The following USP26 variants were observed in gnomAD, a reference collection of about 807,000 sequenced individuals.
The protein encoded by USP26 is ubiquitin specific peptidase 26.
For synonymous variants in USP26, 236 were observed against 240.6 expected (o/e 0.98, Z 0.18); for missense variants, 649 against 642.3 (o/e 1.01, Z -0.11).
At chrX:133,082,026 A>G (rs2067571622) in intron 5 of USP26, among the ~76,000 whole-genome samples, 1 of 111,919 alleles carries the variant, frequency 8.9e-6, no homozygotes, top group Non-Finnish European at 1.9e-5. Context: ...CTTGGGCCAC[A>G]TAACGAAAGT....
Position 133,026,498 on chromosome X carries a change from CTT to C in USP26, c.1721_1722del (p.Lys574SerfsTer32). ...TTTCCAGAAGTCATCTTTCGAATAA[CTT>C]TTAATAATTGGAAATCTGTAATTTC... ...DGEITDFQLL[K>X]VIRKMTSGNI... On this transcript the variant is annotated frameshift_variant, in exon 6 of 6. Coordinates refer to ENST00000511190, the MANE Select transcript of USP26 (RefSeq NM_031907.3). LOFTEE classifies it low-confidence loss of function (END_TRUNC). 8.3e-7 allele frequency: 1 copy of C among 1,208,859 alleles called. No homozygotes were observed. The highest frequency in any genetic ancestry group is 1.1e-6 in the Non-Finnish European group (1 of 894,615).
At chrX:133,064,428 T>G (rs1194610366) in intron 5 of USP26, among the ~76,000 whole-genome samples, 1 of 111,788 alleles carries the variant, frequency 8.9e-6, no homozygotes, top group Non-Finnish European at 1.9e-5. Flanking sequence ...GAATATACAT[T>G]CTTCTCAGCA....
intron 5 of USP26, among the ~76,000 whole-genome samples, chrX:133,061,057 G>A (rs960541612): frequency 9.0e-5 from 10 of 111,301 alleles, no homozygotes; most frequent in Non-Finnish European, 1.5e-4. Flanking sequence ...TGGTATCTGT[G>A]GGGATTCCTG....
chrX:133,078,108 G>A (rs1159372959), intron 5 of USP26, among the ~76,000 whole-genome samples: 1 of 109,979 alleles, frequency 9.1e-6, no homozygotes, highest in Non-Finnish European at 1.9e-5. Context: ...CAAAAAAAGA[G>A]CCAGCCACTT....
intron 5 of USP26, among the ~76,000 whole-genome samples, chrX:133,042,954 C>T (rs1036416239): frequency 1.8e-5 from 2 of 111,192 alleles, no homozygotes; most frequent in African/African-American, 6.5e-5. Context: ...AAAAAAAAGG[C>T]CTTTGTTTAA....
chrX:133,086,981 C>T lies in USP26; in HGVS notation c.-142+3132G>A, dbSNP rs562173764. ...AAACCCACCACCACAATGACCACCA[C>T]GACTCACTGATTCACCAAGAGCTGG... On this transcript the variant is annotated intron_variant, in intron 4 of 5. Coordinates refer to ENST00000511190, the MANE Select transcript of USP26 (RefSeq NM_031907.3). Among the ~76,000 whole-genome samples, 20 of 109,090 alleles carry T rather than the reference C, an allele frequency of 1.8e-4. No homozygotes were observed. In the East Asian group the frequency reaches 3.7e-3, roughly 20 times the overall value. 94.7% of individuals were successfully genotyped at this position (109,090 alleles called of 115,157 possible). A position where few individuals can be genotyped will look rare whatever the true frequency, so the allele number is the denominator to read the frequency against.
chrX:133,052,508 T>A (rs775671474), intron 5 of USP26, among the ~76,000 whole-genome samples: 1 of 112,702 alleles, frequency 8.9e-6, no homozygotes, highest in African/African-American at 3.2e-5. Context: ...TCTATTCACA[T>A]AACTGATTCC....
Position 133,027,173 on chromosome X carries a change from C to T in USP26, c.1048G>A (p.Asp350Asn), listed in dbSNP as rs774739271. The T allele has an allele frequency of 5.0e-5, 60 of 1,208,022 alleles. No individual in the cohort carries two copies. Among genetic ancestry groups the T allele is most frequent in the Non-Finnish European group, 6.4e-5 (57 of 894,547 alleles). Residue 350 changes from aspartate (D) to asparagine (N), a missense_variant, in exon 6 of 6, where the codon GAT (aspartate) becomes AAT (asparagine). By Grantham distance (23) the Asp-to-Asn change is conservative. Coordinates refer to ENST00000511190, the MANE Select transcript of USP26 (RefSeq NM_031907.3). ...MCLARLLFFK[D>N]TYNIEIKEML... is the part of the protein sequence containing the mutation. The stretch of plus-strand genomic sequence containing the variant: ...TCCTTGATTTCTATATTATAGGTAT[C>T]TTTAAAAAAAAGTAGCCGTGCCAAG...
chrX:133,037,025 GT>G (rs1320059031), intron 5 of USP26, among the ~76,000 whole-genome samples: 1 of 111,836 alleles, frequency 8.9e-6, no homozygotes, highest in African/African-American at 3.2e-5. Context: ...TGATGGGGTT[GT>G]TTTTTTCTTG....
intron 5 of USP26, among the ~76,000 whole-genome samples, chrX:133,069,290 C>T (rs2067522991): frequency 9.0e-6 from 1 of 111,578 alleles, no homozygotes; most frequent in Non-Finnish European, 1.9e-5. Context: ...AGGAGGACGA[C>T]AGAGAGGAAA....
Position 133,027,447 on chromosome X carries a change from G to C in USP26, c.774C>G (p.Leu258=). 1.7e-6 allele frequency: 2 copies of C among 1,210,688 alleles called. No individual in the cohort carries two copies. Among genetic ancestry groups the C allele is most frequent in the South Asian group, 3.5e-5 (2 of 56,950 alleles). ...YLDDIGLLQA[L]TEKMVLVFLL... ...GAAATACCAAAACCATTTTCTCAGT[G>C]AGAGCTTGGAGAAGACCAATGTCAT... The change falls in exon 6 of 6, where the codon CTC becomes CTG. Residue 258 remains leucine, a synonymous_variant. Coordinates refer to ENST00000511190, the MANE Select transcript of USP26 (RefSeq NM_031907.3).
rs536316220 is a variant in USP26, at chrX:133,034,243, C to T, written c.-76-5947G>A. On this transcript the variant is annotated intron_variant, in intron 5 of 5. Coordinates refer to ENST00000511190, the MANE Select transcript of USP26 (RefSeq NM_031907.3). ...TGTGTGCAGCCAAATTTTCCTTTGC[C>T]GAGAGAAACCATAAAGTTGGAGAAG... is the stretch of plus-strand genomic sequence containing the variant. 2.0e-4 allele frequency among the ~76,000 whole-genome samples: 22 copies of T among 111,536 alleles called. No homozygotes were observed. The East Asian group carries it at 5.6e-3, about 29-fold the overall frequency.
intron 5 of USP26, among the ~76,000 whole-genome samples, chrX:133,040,455 A>G (rs901773638): frequency 1.8e-5 from 2 of 111,398 alleles, no homozygotes; most frequent in African/African-American, 6.5e-5. Flanking sequence ...GGTGAACCTT[A>G]GTTTGGCTGG....
intron 5 of USP26, among the ~76,000 whole-genome samples, chrX:133,082,258 A>G (rs145134036): frequency 0.035 from 3,862 of 111,721 alleles, 101 homozygotes; most frequent in East Asian, 0.1. Context: ...CTACCTCTAG[A>G]CTGTAGGTCC....
intron 5 of USP26, among the ~76,000 whole-genome samples, chrX:133,061,958 C>T (rs1222584506): frequency 9.1e-6 from 1 of 110,293 alleles, no homozygotes; most frequent in Non-Finnish European, 1.9e-5. Context: ...TGAAAAGTTC[C>T]CTCCCCACTC....
chrX:133,027,307 T>C lies in USP26; in HGVS notation c.914A>G (p.Tyr305Cys). Residue 305 changes from tyrosine (Y) to cysteine (C), a missense_variant, in exon 6 of 6, where the codon TAT becomes TGT. Tyr to Cys is a radical substitution (Grantham distance 194). Transcript: ENST00000511190. ...TAGAGACTGTAACACTGCATTCATA[T>C]AACAGGTGTTTCCCAAATTGGGGAG... Reference protein sequence around the residue: ...HGLPNLGNTCYMNAVLQSLLS... With the variant: ...HGLPNLGNTCCMNAVLQSLLS... 8.3e-7 allele frequency: 1 copy of C among 1,210,944 alleles called. No homozygotes were observed. The highest frequency in any genetic ancestry group is 1.1e-6 in the Non-Finnish European group (1 of 894,603).
In USP26 at chrX:133,026,021, T is replaced by C; in HGVS notation, c.2200A>G (p.Lys734Glu). The C allele has an allele frequency of 8.3e-7, 1 of 1,210,134 alleles. No homozygotes were observed. The highest frequency in any genetic ancestry group is 1.1e-6 in the Non-Finnish European group (1 of 894,240). ...KNIRIPERFQKVSEQTQQCDG... is the reference protein window; with the variant it reads ...KNIRIPERFQEVSEQTQQCDG... ...CACTGCTGAGTCTGTTCAGACACTT[T>C]TTGGAATCTTTCTGGAATTCTGATA... Residue 734 changes from lysine (K) to glutamate (E), a missense_variant, in exon 6 of 6, where the codon AAA (lysine) becomes GAA (glutamate). Transcript: ENST00000511190.
At chrX:133,056,565 G>C (rs1214988536) in intron 5 of USP26, among the ~76,000 whole-genome samples, 1 of 111,297 alleles carries the variant, frequency 9.0e-6, no homozygotes, top group Non-Finnish European at 1.9e-5. Flanking sequence ...ACAATCATAA[G>C]GTATACCTCA....
intron 5 of USP26, among the ~76,000 whole-genome samples, chrX:133,039,393 C>T (rs754402738): frequency 5.4e-5 from 6 of 111,873 alleles, no homozygotes; most frequent in East Asian, 2.8e-4. Context: ...CAAAGGACTT[C>T]GTTATTTCTG....
Sources: gnomAD v4.1 joint callset for allele counts (sites outside exome capture counted in the v4.1 genomes callset) on GRCh38, gnomAD v4.1.1 for gene constraint, MANE v1.5 for transcripts, NCBI Gene and HGNC (gene_info 2026-07-23, HGNC 2026-07-21) for gene names.